The following STX8 variants were observed in gnomAD, a reference collection of about 807,000 sequenced individuals.
STX8 encodes syntaxin 8.
A neutral mutation model predicts 37.5 loss-of-function variants in STX8; 23 were observed. The ratio of observed to expected loss-of-function variants is 0.61; its 90% CI spans 0.44 to 0.87. The LOEUF is 0.87. Among genes scored for constraint, STX8 ranks in the 40% least tolerant of loss-of-function variants. The pLI, the probability that STX8 is intolerant of heterozygous loss-of-function variation, is 0.00. For synonymous variants in STX8, 115 were observed against 99.1 expected (o/e 1.16, Z -0.95); for missense variants, 313 against 284.7 (o/e 1.10, Z -0.71).
chr17:9,327,208 GAGGAAGA>G (rs1909788300), intron 7 of STX8, among the ~76,000 whole-genome samples: 1 of 147,408 alleles, frequency 6.8e-6, no homozygotes, highest in East Asian at 2.0e-4. Flanking sequence ...AAGGAAGAAG[GAGGAAGA>G]AGGAGGAAGA....
rs564976568 is a variant in STX8 at position 9,453,161 on chromosome 17, A to C, written c.541+38668T>G. Among the ~76,000 whole-genome samples, 6 of 152,054 alleles carry C rather than the reference A, an allele frequency of 3.9e-5. No individual in the cohort carries two copies. The East Asian group carries it at 7.7e-4, about 20-fold the overall frequency. ...CTTTAGTACTCAGTATGGCTAGAAAATGGTGTGGGGATCCGAAAGGTTAAT... is the reference window on the plus strand; with the variant it reads ...CTTTAGTACTCAGTATGGCTAGAAACTGGTGTGGGGATCCGAAAGGTTAAT... On this transcript the variant is annotated intron_variant, in intron 6 of 7. Coordinates refer to ENST00000306357, the MANE Select transcript of STX8 (RefSeq NM_004853.3).
rs972471091 is a variant in STX8, at chr17:9,338,048, A to ATTTTTTTTTT, written c.643+40494_643+40503dup. ...GAGGGCTTTGGGGCACCTCTGAAGG[A>ATTTTTTTTTT]TTTTTTTTTTTTTTTTTTTTTTGAG... On this transcript the variant is annotated intron_variant, in intron 7 of 7. Transcript: ENST00000306357. Among the ~76,000 whole-genome samples, 93 of 107,888 alleles carry ATTTTTTTTTT rather than the reference A, an allele frequency of 8.6e-4. 1 individual carries two copies. Among genetic ancestry groups the ATTTTTTTTTT allele is most frequent in the South Asian group, 2.7e-3 (8 of 2,924 alleles). 70.8% of individuals were successfully genotyped at this position (107,888 alleles called of 152,430 possible).
At position 9,358,217 on chromosome 17, in the gene STX8, G is replaced by A. The variant is rs111970396; in HGVS notation, c.643+20335C>T. ...AAAAAACAAACAAAAAAATTAGCTGGGCATGGTGGTGCACACCTGTAGTTT... is the reference window on the plus strand; with the variant it reads ...AAAAAACAAACAAAAAAATTAGCTGAGCATGGTGGTGCACACCTGTAGTTT... On this transcript the variant is annotated intron_variant, in intron 7 of 7. Coordinates refer to ENST00000306357, the MANE Select transcript of STX8 (RefSeq NM_004853.3). 5.3e-3 allele frequency among the ~76,000 whole-genome samples: 810 copies of A among 152,118 alleles called. 5 individuals are homozygous for A. The highest frequency in any genetic ancestry group is 7.7e-3 in the Non-Finnish European group (524 of 68,008).
chr17:9,434,282 C>T (rs896165349), intron 6 of STX8, among the ~76,000 whole-genome samples: 4 of 152,204 alleles, frequency 2.6e-5, no homozygotes, highest in African/African-American at 9.6e-5. Flanking sequence ...GGATTACAGG[C>T]GTGAGCCACT....
intron 4 of STX8, among the ~76,000 whole-genome samples, chr17:9,522,701 G>T (rs1905402545): frequency 6.6e-6 from 1 of 151,602 alleles, no homozygotes; most frequent in Admixed American, 6.6e-5. Context: ...GAAAGAGCGA[G>T]ACTCCATCTC....
chr17:9,299,453 T>C (rs1243940748), intron 7 of STX8, among the ~76,000 whole-genome samples: 1 of 149,146 alleles, frequency 6.7e-6, no homozygotes, highest in Non-Finnish European at 1.5e-5. Flanking sequence ...TTTTTTTTTT[T>C]TTTTTTTGAG....
chr17:9,570,829 A>G (rs7406278), intron 1 of STX8, among the ~76,000 whole-genome samples: 147,763 of 152,212 alleles, frequency 0.97, 71,859 homozygotes, highest in Non-Finnish European at 1. Flanking sequence ...ATTACTGCTG[A>G]CCAAGGCACT....
chr17:9,564,155 G>A (rs1907362479), intron 2 of STX8, among the ~76,000 whole-genome samples: 1 of 152,096 alleles, frequency 6.6e-6, no homozygotes, highest in African/African-American at 2.4e-5. Context: ...GCAAAATCTG[G>A]CAGCATTCCA....
chr17:9,475,102 A>G (rs1268107598), intron 6 of STX8, among the ~76,000 whole-genome samples: 1 of 152,220 alleles, frequency 6.6e-6, no homozygotes, highest in South Asian at 2.1e-4. Context: ...TTGAGCTCCA[A>G]ACAGTAGAGA....
chr17:9,332,821 G>A (rs1489256913), intron 7 of STX8, among the ~76,000 whole-genome samples: 2 of 152,106 alleles, frequency 1.3e-5, no homozygotes, highest in African/African-American at 4.8e-5. Context: ...CCTGAGGGCA[G>A]GGACCACCAT....
intron 7 of STX8, among the ~76,000 whole-genome samples, chr17:9,327,358 AGGGAGAGGGAGAAGGAGGAGAAGGAGG>A (rs1408296880): frequency 1.4e-5 from 2 of 147,196 alleles, no homozygotes; most frequent in Admixed American, 6.8e-5. Flanking sequence ...GGAGAAGGAG[AGGGAGAGGGAGAAGGAGGAGAAGGAGG>A]GGGAGAGGGA....
rs115262961 is a variant in STX8, at chr17:9,529,130, C to T, written c.323+16042G>A. 2.7e-3 allele frequency among the ~76,000 whole-genome samples: 406 copies of T among 151,818 alleles called. 4 individuals carry two copies. The highest frequency in any genetic ancestry group is 9.6e-3 in the African/African-American group (397 of 41,428). On this transcript the variant is annotated intron_variant, in intron 4 of 7. Transcript: ENST00000306357. Reference sequence around the variant, plus strand: ...AATACCAGCAATCTTAACATTCTGTCTTAACTTTATAGGGAGAAAAACCCT... The same window carrying T: ...AATACCAGCAATCTTAACATTCTGTTTTAACTTTATAGGGAGAAAAACCCT...
intron 6 of STX8, among the ~76,000 whole-genome samples, chr17:9,488,819 A>AGTGTGTGTGTGTGTGTGTGT (rs1244919629): frequency 1.1e-5 from 1 of 92,430 alleles, no homozygotes; most frequent in Non-Finnish European, 2.6e-5. Context: ...AGAGAGAGAG[A>AGTGTGTGTGTGTGTGTGTGT]GAGTGTGTGT....
intron 6 of STX8, among the ~76,000 whole-genome samples, chr17:9,409,787 TG>T (rs903073540): frequency 2.7e-5 from 4 of 150,300 alleles, no homozygotes; most frequent in South Asian, 2.1e-4. Context: ...TTGGAAGCAC[TG>T]GGGGGAAAAA....
Position 9,329,514 on chromosome 17 carries a change from G to A in STX8, c.643+49038C>T, listed in dbSNP as rs530820569. 1.1e-4 allele frequency among the ~76,000 whole-genome samples: 16 copies of A among 152,324 alleles called. No homozygotes were observed. The South Asian group carries it at 1.9e-3, about 18-fold the overall frequency. ...CTGGATCCAGGACAGGGCCATGAGCGTGTTAAGAGCAGAAAGACCCAATTA... is the reference window on the plus strand; with the variant it reads ...CTGGATCCAGGACAGGGCCATGAGCATGTTAAGAGCAGAAAGACCCAATTA... On this transcript the variant is annotated intron_variant, in intron 7 of 7. Coordinates refer to ENST00000306357, the MANE Select transcript of STX8 (RefSeq NM_004853.3).
chr17:9,472,712 C>T (rs1384328455), intron 6 of STX8, among the ~76,000 whole-genome samples: 3 of 152,168 alleles, frequency 2.0e-5, no homozygotes, highest in African/African-American at 4.8e-5. Context: ...ATAGGAACAG[C>T]GGTGAATGAA....
intron 7 of STX8, among the ~76,000 whole-genome samples, chr17:9,287,116 G>A (rs897998846): frequency 2.6e-5 from 4 of 152,166 alleles, no homozygotes; most frequent in Admixed American, 2.6e-4. Context: ...CAAAAGAACA[G>A]GAGAGAAAAT....
At chr17:9,562,960 A>G (rs1314733447) in intron 2 of STX8, among the ~76,000 whole-genome samples, 3 of 152,270 alleles carry the variant, frequency 2.0e-5, no homozygotes, top group East Asian at 3.9e-4. Flanking sequence ...GTTATTCACA[A>G]CTCAAGACTG....
At chr17:9,325,608 G>A (rs780481892) in intron 7 of STX8, among the ~76,000 whole-genome samples, 55 of 152,298 alleles carry the variant, frequency 3.6e-4, no homozygotes, top group Non-Finnish European at 6.9e-4. Flanking sequence ...GATGGGCTGC[G>A]CGAATTACAT....
Sources: allele counts gnomAD v4.1 joint callset (sites outside exome capture counted in the v4.1 genomes callset), GRCh38; gene constraint gnomAD v4.1.1; transcripts MANE v1.5; gene names NCBI Gene and HGNC (gene_info 2026-07-23, HGNC 2026-07-21).